CCBE1: variants seen among roughly 807,000 people sequenced by gnomAD.
CCBE1 encodes collagen and calcium-binding EGF domain-containing protein 1.
Under a neutral mutation model 50.0 loss-of-function variants are expected in CCBE1, and 37 were observed. The ratio of observed to expected loss-of-function variants is 0.74; its 90% CI spans 0.57 to 0.97. The LOEUF (loss-of-function observed/expected upper bound fraction) is 0.97, where lower values mean the gene tolerates loss of function less well. Ranked by LOEUF, CCBE1 falls within the 50% of genes least tolerant of loss-of-function variation. The pLI, the probability that CCBE1 is intolerant of heterozygous loss-of-function variation, is 0.00. For synonymous variants in CCBE1, 234 were observed against 203.7 expected (o/e 1.15, Z -1.27); for missense variants, 538 against 523.8 (o/e 1.03, Z -0.26).
intron 7 of CCBE1, among the ~76,000 whole-genome samples, chr18:59,441,540 G>T (rs1910425621): frequency 6.6e-6 from 1 of 151,676 alleles, no homozygotes; most frequent in Admixed American, 6.6e-5. Flanking sequence ...AGAACAATCA[G>T]CAGGACAAGC....
intron 2 of CCBE1, among the ~76,000 whole-genome samples, chr18:59,482,241 G>T (rs1912606411): frequency 6.6e-6 from 1 of 152,202 alleles, no homozygotes; most frequent in African/African-American, 2.4e-5. Flanking sequence ...TGGCTGCTTA[G>T]TATTCCATGG....
chr18:59,508,522 G>A (rs1327498381), intron 2 of CCBE1, among the ~76,000 whole-genome samples: 1 of 151,834 alleles, frequency 6.6e-6, no homozygotes, highest in African/African-American at 2.4e-5. Flanking sequence ...ACTTGAGTCC[G>A]GGAGGCAGAG....
chr18:59,687,711 C>T (rs1476354730), intron 2 of CCBE1, among the ~76,000 whole-genome samples: 2 of 152,194 alleles, frequency 1.3e-5, no homozygotes, highest in African/African-American at 4.8e-5. Flanking sequence ...CACCTGTAAT[C>T]CCAGTACTTT....
chr18:59,472,166 A>C (rs1397019685), intron 3 of CCBE1, among the ~76,000 whole-genome samples: 1 of 152,202 alleles, frequency 6.6e-6, no homozygotes, highest in Non-Finnish European at 1.5e-5. Flanking sequence ...CTGAGTTCTG[A>C]GAAATAGGGC....
At chr18:59,508,143 G>A (rs532596947) in intron 2 of CCBE1, among the ~76,000 whole-genome samples, 23 of 151,728 alleles carry the variant, frequency 1.5e-4, no homozygotes, top group African/African-American at 5.3e-4. Flanking sequence ...CGCCCGCCTC[G>A]GCCTCCCAAA....
At chr18:59,542,483 A>G (rs561912286) in intron 2 of CCBE1, among the ~76,000 whole-genome samples, 1 of 152,350 alleles carries the variant, frequency 6.6e-6, no homozygotes, top group East Asian at 1.9e-4. Flanking sequence ...AAATTATAAA[A>G]ACAGACACTT....
Position 59,454,874 on chromosome 18 carries a change from T to C in CCBE1, c.631A>G (p.Thr211Ala), listed in dbSNP as rs1159332291. 5 of 1,614,100 alleles carry C rather than the reference T, an allele frequency of 3.1e-6. No individual in the cohort carries two copies. The highest frequency in any genetic ancestry group is 4.2e-6 in the Non-Finnish European group (5 of 1,180,034). The change falls in exon 6 of 11, where the codon ACC (threonine) becomes GCC (alanine). Residue 211 changes from threonine to alanine, a missense_variant. By Grantham distance (58) the Thr-to-Ala change is moderately conservative. Coordinates refer to ENST00000439986, the MANE Select transcript of CCBE1 (RefSeq NM_133459.4). ...ACCTTTTGCTTCAGCTGCAGCACGG[T>C]CTGCTTCATCTGGTAGAACTCCTTG... ...TCKEFYQMKQTVLQLKQKIAL... is the reference protein window; with the variant it reads ...TCKEFYQMKQAVLQLKQKIAL...
intron 2 of CCBE1, among the ~76,000 whole-genome samples, chr18:59,635,659 C>T (rs1035752410): frequency 4.0e-5 from 6 of 151,638 alleles, no homozygotes; most frequent in African/African-American, 1.5e-4. Context: ...GGTGATTGTT[C>T]ACCTAAGAGT....
At chr18:59,529,739 C>T (rs940819127) in intron 2 of CCBE1, among the ~76,000 whole-genome samples, 2 of 152,090 alleles carry the variant, frequency 1.3e-5, no homozygotes, top group African/African-American at 2.4e-5. Flanking sequence ...AGGATTCACT[C>T]ACAGTTTTAG....
At chr18:59,442,407 A>G (rs1910475115) in intron 7 of CCBE1, among the ~76,000 whole-genome samples, 2 of 152,198 alleles carry the variant, frequency 1.3e-5, no homozygotes, top group Non-Finnish European at 2.9e-5. Flanking sequence ...GTTTATGTGT[A>G]TCATTTTCTT....
intron 2 of CCBE1, chr18:59,568,567 G>C (rs2052863022): frequency 6.6e-6 from 1 of 152,124 alleles, no homozygotes; most frequent in South Asian, 2.1e-4. Flanking sequence ...TTGATCATGA[G>C]AACTAGGGAG....
At chr18:59,592,758 A>G (rs2053290452) in intron 2 of CCBE1, among the ~76,000 whole-genome samples, 1 of 152,168 alleles carries the variant, frequency 6.6e-6, no homozygotes, top group African/African-American at 2.4e-5. Flanking sequence ...AGTTTTGTTT[A>G]GTTTTGCCTT....
chr18:59,496,881 G>A (rs985544777), intron 2 of CCBE1, among the ~76,000 whole-genome samples: 4 of 152,172 alleles, frequency 2.6e-5, no homozygotes, highest in African/African-American at 9.7e-5. Context: ...GACGTCACAT[G>A]GTATGGTGGT....
chr18:59,614,350 G>A (rs1336370780), intron 2 of CCBE1, among the ~76,000 whole-genome samples: 1 of 152,190 alleles, frequency 6.6e-6, no homozygotes, highest in Non-Finnish European at 1.5e-5. Flanking sequence ...TTAAAGAACA[G>A]ATGTACCCAG....
intron 2 of CCBE1, among the ~76,000 whole-genome samples, chr18:59,572,341 T>C (rs1035552673): frequency 2.0e-5 from 3 of 152,176 alleles, no homozygotes; most frequent in Non-Finnish European, 2.9e-5. Flanking sequence ...ATTGTTGTTA[T>C]AAAGAGACTA....
chr18:59,506,791 C>T (rs1013229541), intron 2 of CCBE1, among the ~76,000 whole-genome samples: 1 of 152,170 alleles, frequency 6.6e-6, no homozygotes, highest in Non-Finnish European at 1.5e-5. Flanking sequence ...CTGGATGGAG[C>T]AAACAAAAGA....
At chr18:59,443,882 G>A (rs12957228) in intron 7 of CCBE1, among the ~76,000 whole-genome samples, 40,963 of 152,012 alleles carry the variant, frequency 0.27, 6,080 homozygotes, top group Middle Eastern at 0.39. Flanking sequence ...CTAGACCACC[G>A]AATAACTCCC....
intron 2 of CCBE1, among the ~76,000 whole-genome samples, chr18:59,630,217 C>T (rs768398445): frequency 2.0e-5 from 3 of 151,804 alleles, no homozygotes; most frequent in Non-Finnish European, 4.4e-5. Flanking sequence ...GGGCAGCTCG[C>T]CAACAAACTG....
At chr18:59,588,875 C>A (rs922821811) in intron 2 of CCBE1, among the ~76,000 whole-genome samples, 1 of 152,204 alleles carries the variant, frequency 6.6e-6, no homozygotes, top group Non-Finnish European at 1.5e-5. Context: ...CCCTGATGCC[C>A]CCTCGGGAGG....
Sources: gnomAD v4.1 joint callset for allele counts (sites outside exome capture counted in the v4.1 genomes callset) on GRCh38, gnomAD v4.1.1 for gene constraint, MANE v1.5 for transcripts, NCBI Gene and HGNC (gene_info 2026-07-23, HGNC 2026-07-21) for gene names.